Variants in RGS6 observed in about 807,000 individuals in gnomAD.
RGS6 encodes the protein regulator of G protein signaling 6.
In RGS6, 30 loss-of-function variants were observed where a neutral mutation model predicts 78.5. The observed-to-expected ratio is 0.38, with a 90% CI of 0.29 to 0.52. RGS6 has a LOEUF of 0.52. RGS6 is among the 20% of genes least tolerant of loss of function. The pLI, the probability that RGS6 is intolerant of heterozygous loss-of-function variation, is 0.85. For synonymous variants in RGS6, 206 were observed against 206.0 expected (o/e 1.00, Z 0.00); for missense variants, 495 against 609.7 (o/e 0.81, Z 1.98).
chr14:72,248,472 T>A (rs1299856830), intron 2 of RGS6, among the ~76,000 whole-genome samples: 2 of 152,230 alleles, frequency 1.3e-5, no homozygotes, highest in Non-Finnish European at 2.9e-5. Context: ...TTTTTCAGTT[T>A]TAATTTTGTA....
rs774890861 is a variant in RGS6, at chr14:72,518,499, G to A, written c.1240G>A (p.Val414Ile). The A allele has an allele frequency of 6.2e-7, 1 of 1,614,190 alleles. No homozygotes were observed. The highest frequency in any genetic ancestry group is 8.5e-7 in the Non-Finnish European group (1 of 1,180,030). The change falls in exon 15 of 18, where the codon GTC becomes ATC. Residue 414 changes from valine (V) to isoleucine (I), a missense_variant. Val to Ile is a conservative substitution (Grantham distance 29). Transcript: ENST00000553525. The stretch of plus-strand genomic sequence containing the variant: ...CAGCTATGAGATAACCAGTCAAAAT[G>A]TCAAAGATGGAGGGAGATATACATT... ...SHSYEITSQN[V>I]KDGGRYTFED...
chr14:72,179,225 T>C (rs1306715781), intron 2 of RGS6, among the ~76,000 whole-genome samples: 4 of 152,192 alleles, frequency 2.6e-5, no homozygotes, highest in African/African-American at 9.7e-5. Context: ...CCTTTGCCCC[T>C]TTTTGTGGCT....
intron 2 of RGS6, among the ~76,000 whole-genome samples, chr14:72,240,293 G>C (rs1439397990): frequency 6.6e-6 from 1 of 152,180 alleles, no homozygotes; most frequent in African/African-American, 2.4e-5. Flanking sequence ...TAGTAAACCA[G>C]TGAGTAGGCA....
chr14:72,568,984 A>T (rs1056264445), downstream of RGS6, among the ~76,000 whole-genome samples: 5 of 152,198 alleles, frequency 3.3e-5, no homozygotes, highest in African/African-American at 1.2e-4. Context: ...AGGAGGGATC[A>T]GGGAGCGGAC....
At chr14:72,100,748 T>C (rs959340338) in intron 2 of RGS6, among the ~76,000 whole-genome samples, 3 of 152,244 alleles carry the variant, frequency 2.0e-5, no homozygotes, top group African/African-American at 7.2e-5. Context: ...TAAATGAATC[T>C]ATCTGTAAGC....
intron 2 of RGS6, among the ~76,000 whole-genome samples, chr14:72,074,307 T>TGG (rs1389507987): frequency 6.6e-6 from 1 of 152,200 alleles, no homozygotes. Context: ...AGGGATCTCC[T>TGG]GCCTCAGCTT....
intron 2 of RGS6, among the ~76,000 whole-genome samples, chr14:72,195,076 C>T (rs1041218810): frequency 6.6e-6 from 1 of 151,952 alleles, no homozygotes; most frequent in African/African-American, 2.4e-5. Flanking sequence ...GGTGTGGTGA[C>T]ACACACCTGT....
intron 2 of RGS6, among the ~76,000 whole-genome samples, chr14:72,059,317 T>C (rs2093774739): frequency 6.6e-6 from 1 of 152,210 alleles, no homozygotes; most frequent in Non-Finnish European, 1.5e-5. Context: ...ATCTGCTCCA[T>C]CACTTAAAAG....
At position 71,944,213 on chromosome 14, in the gene RGS6, T is replaced by A. The variant is rs990258744; in HGVS notation, c.-21+11272T>A. On this transcript the variant is annotated intron_variant, in intron 1 of 17. Transcript: ENST00000553525. ...CCTACAAAACTATGGGTCCGTCATA[T>A]GGTTGTGGGCTGATCTTACAAAATA... is the stretch of plus-strand genomic sequence containing the variant. Among the ~76,000 whole-genome samples the A allele has an allele frequency of 3.3e-5, 5 of 152,320 alleles. No homozygotes were observed. In the South Asian group the frequency reaches 1.0e-3, roughly 32 times the overall value.
intron 15 of RGS6, among the ~76,000 whole-genome samples, chr14:72,533,843 T>C (rs1402775288): frequency 1.3e-5 from 2 of 152,230 alleles, no homozygotes. Context: ...TTGCTTCCTA[T>C]GGAAGAGTAA....
chr14:72,629,254 G>A, the RGS6 span, among the ~76,000 whole-genome samples: 1 of 152,190 alleles, frequency 6.6e-6, no homozygotes, highest in Non-Finnish European at 1.5e-5. Flanking sequence ...GATTGGACGT[G>A]TACTGATCTT....
At chr14:71,922,126 C>T in the RGS6 span, among the ~76,000 whole-genome samples, 1 of 152,198 alleles carries the variant, frequency 6.6e-6, no homozygotes, top group African/African-American at 2.4e-5. Context: ...TGCTGTTCTC[C>T]AGCAAACATG....
intron 3 of RGS6, among the ~76,000 whole-genome samples, chr14:72,384,860 C>T (rs532277939): frequency 2.0e-4 from 30 of 152,232 alleles, no homozygotes; most frequent in Non-Finnish European, 3.4e-4. Flanking sequence ...AAGTAATTCT[C>T]CTGCCTCAGC....
the RGS6 span, among the ~76,000 whole-genome samples, chr14:72,585,835 C>A: frequency 1.3e-4 from 20 of 152,150 alleles, no homozygotes; most frequent in Non-Finnish European, 2.6e-4. Flanking sequence ...TTCTCCTATC[C>A]ATCCTGTTCT....
the RGS6 span, among the ~76,000 whole-genome samples, chr14:71,886,923 G>A: frequency 2.8e-4 from 43 of 152,272 alleles, no homozygotes; most frequent in Admixed American, 6.5e-4. Flanking sequence ...AGGCCGAGGC[G>A]GGTGGATCAC....
chr14:72,508,459 G>A (rs1299478569), intron 13 of RGS6, among the ~76,000 whole-genome samples: 1 of 151,730 alleles, frequency 6.6e-6, no homozygotes, highest in Non-Finnish European at 1.5e-5. Context: ...CTGCCATATT[G>A]GAGAGCACGG....
Position 72,052,925 on chromosome 14 carries a change from T to TTTTCTTTCTTTCTTTCTTTC in RGS6, c.84+88092_84+88111dup, listed in dbSNP as rs759527358. On this transcript the variant is annotated intron_variant, in intron 2 of 17. Coordinates refer to ENST00000553525, the MANE Select transcript of RGS6 (RefSeq NM_001204424.2). The stretch of plus-strand genomic sequence containing the variant: ...GCACATGTTCAGAGTTTCATTGTAT[T>TTTTCTTTCTTTCTTTCTTTC]TTTCTTTCTTTCTTTCTTTCTTTCT... Among the ~76,000 whole-genome samples, 122 of 120,416 alleles carry TTTTCTTTCTTTCTTTCTTTC rather than the reference T, an allele frequency of 1.0e-3. 6 individuals are homozygous for TTTTCTTTCTTTCTTTCTTTC. Among genetic ancestry groups the TTTTCTTTCTTTCTTTCTTTC allele is most frequent in the Non-Finnish European group, 1.5e-3 (81 of 53,554 alleles). The allele number at this position is 120,416 out of a possible 152,430, so 79.0% of individuals were successfully genotyped here.
chr14:72,318,447 C>T (rs1375805611), intron 2 of RGS6, among the ~76,000 whole-genome samples: 4 of 152,040 alleles, frequency 2.6e-5, no homozygotes, highest in Admixed American at 2.0e-4. Flanking sequence ...ATAATTTGCA[C>T]CCTCCAATCC....
At chr14:71,900,043 A>G in the RGS6 span, among the ~76,000 whole-genome samples, 1 of 152,194 alleles carries the variant, frequency 6.6e-6, no homozygotes, top group African/African-American at 2.4e-5. Flanking sequence ...AGCGGAGTTT[A>G]TGACCTTTCT....
Sources: allele counts gnomAD v4.1 joint callset (sites outside exome capture counted in the v4.1 genomes callset), GRCh38; gene constraint gnomAD v4.1.1; transcripts MANE v1.5; gene names NCBI Gene and HGNC (gene_info 2026-07-23, HGNC 2026-07-21).